Variants in MAP3K9 observed in about 807,000 individuals in gnomAD.
MAP3K9 encodes mixed lineage kinase 1 (tyr and ser/thr specificity).
Under a neutral mutation model 95.8 loss-of-function variants are expected in MAP3K9, and 46 were observed. That is an observed-to-expected ratio of 0.48 (90% CI 0.38 to 0.61). The LOEUF (loss-of-function observed/expected upper bound fraction) is 0.61. MAP3K9 is among the 20% of genes least tolerant of loss of function. The probability of loss-of-function intolerance (pLI) is 0.00; values close to 1 mark genes in which losing one functional copy is unlikely to be tolerated. For missense variants in MAP3K9, 1,296 were observed against 1,474.3 expected, an observed-to-expected ratio of 0.88 and a Z score of 1.98; for synonymous variants, 533 against 593.8, an observed-to-expected ratio of 0.90 and a Z score of 1.49.
chr14:70,808,763 T>C lies in MAP3K9; in HGVS notation c.406+3A>G. 6.6e-7 allele frequency: 1 copy of C among 1,518,984 alleles called. No individual in the cohort carries two copies. The allele number at this position is 1,518,984 out of a possible 1,614,324, so 94.1% of individuals were successfully genotyped here. On this transcript the variant is annotated splice_donor_region_variant and intron_variant, in intron 1 of 11. Coordinates refer to ENST00000554752, the MANE Select transcript of MAP3K9 (RefSeq NM_001284230.2). ...TCCCCGCCCGGCCCCGCCTTCGCCT[T>C]ACACTGAATGGGCGGGTAGCAACTG...
intron 2 of MAP3K9, among the ~76,000 whole-genome samples, chr14:70,786,931 C>T (rs1755240991): frequency 6.6e-6 from 1 of 151,890 alleles, no homozygotes; most frequent in South Asian, 2.1e-4. Flanking sequence ...TTAAGGCATC[C>T]TCCTTCCTCT....
At chr14:70,778,959 G>T (rs573422795) in intron 2 of MAP3K9, among the ~76,000 whole-genome samples, 1 of 152,264 alleles carries the variant, frequency 6.6e-6, no homozygotes, top group Admixed American at 6.5e-5. Flanking sequence ...CCTTAGAAGG[G>T]GCTCACAGAA....
At chr14:70,752,249 G>A (rs1204181253) in intron 3 of MAP3K9, among the ~76,000 whole-genome samples, 1 of 152,214 alleles carries the variant, frequency 6.6e-6, no homozygotes, top group African/African-American at 2.4e-5. Context: ...CATTTGGGCT[G>A]CCATGTATTG....
intron 5 of MAP3K9, among the ~76,000 whole-genome samples, chr14:70,743,127 T>C (rs1361673843): frequency 1.3e-5 from 2 of 151,934 alleles, no homozygotes; most frequent in African/African-American, 4.8e-5. Flanking sequence ...GCTGAGATTA[T>C]AGGCATGTGC....
At chr14:70,731,331 C>T (rs567665465) in intron 11 of MAP3K9, among the ~76,000 whole-genome samples, 86 of 152,184 alleles carry the variant, frequency 5.7e-4, no homozygotes, top group African/African-American at 2.0e-3. Context: ...TGCCTGTAGT[C>T]CCAGCTACTT....
intron 2 of MAP3K9, among the ~76,000 whole-genome samples, chr14:70,784,186 G>T (rs2054717998): frequency 6.6e-6 from 1 of 152,054 alleles, no homozygotes; most frequent in Non-Finnish European, 1.5e-5. Flanking sequence ...GAGAGGCTGA[G>T]GCAGGAGAAT....
At chr14:70,802,263 A>C (rs951555615) in intron 1 of MAP3K9, among the ~76,000 whole-genome samples, 2 of 152,148 alleles carry the variant, frequency 1.3e-5, no homozygotes, top group Non-Finnish European at 2.9e-5. Context: ...GGACCTGGAG[A>C]CTGAAACATG....
At chr14:70,788,660 G>A (rs139400878) in intron 2 of MAP3K9, among the ~76,000 whole-genome samples, 38 of 152,302 alleles carry the variant, frequency 2.5e-4, no homozygotes, top group Non-Finnish European at 4.0e-4. Flanking sequence ...TTTGGAGAAT[G>A]TCTATGCGGG....
intron 2 of MAP3K9, among the ~76,000 whole-genome samples, chr14:70,772,634 T>C (rs2054546554): frequency 6.6e-6 from 1 of 152,136 alleles, no homozygotes; most frequent in Non-Finnish European, 1.5e-5. Flanking sequence ...ACAGTAATGA[T>C]TTCCAACCTT....
chr14:70,789,221 G>C (rs970210015), intron 2 of MAP3K9, among the ~76,000 whole-genome samples: 1 of 152,188 alleles, frequency 6.6e-6, no homozygotes, highest in Non-Finnish European at 1.5e-5. Flanking sequence ...TGCACAGTTA[G>C]AAGGGGCTGG....
intron 2 of MAP3K9, among the ~76,000 whole-genome samples, chr14:70,762,329 CAGA>C (rs1208736284): frequency 2.6e-5 from 4 of 152,146 alleles, no homozygotes; most frequent in Non-Finnish European, 4.4e-5. Flanking sequence ...TTCTGCACAG[CAGA>C]AGAACCATTT....
chr14:70,730,313 G>C lies in MAP3K9; in HGVS notation c.*67C>G. The C allele has an allele frequency of 6.5e-7, 1 of 1,546,580 alleles. No homozygotes were observed. The highest frequency in any genetic ancestry group is 2.3e-5 in the East Asian group (1 of 44,110). On this transcript the variant is annotated 3_prime_UTR_variant, in exon 12 of 12. Transcript: ENST00000554752. ...CTCAGGGGGTCCAACCCTGAGAAAG[G>C]GCTGTGCCCGCCAGCTCCCCTCATC... is the stretch of plus-strand genomic sequence containing the variant.
chr14:70,740,306 CT>C, intron 6 of MAP3K9, 142 bp from the exon 7 acceptor site: 1 of 865,808 alleles, frequency 1.2e-6, no homozygotes. Flanking sequence ...GAAATGTTCT[CT>C]TTTAGAATCA....
chr14:70,744,736 G>A (rs1055460119), intron 5 of MAP3K9, among the ~76,000 whole-genome samples: 2 of 152,214 alleles, frequency 1.3e-5, no homozygotes, highest in African/African-American at 4.8e-5. Context: ...CACAGGAGAT[G>A]TCACCCCAGA....
At chr14:70,760,971 G>A in intron 3 of MAP3K9, 31 bp downstream of exon 3, 2 of 1,606,496 alleles carry the variant, frequency 1.2e-6, no homozygotes. Context: ...ATGGACCTAG[G>A]AAATGCTGTC....
At chr14:70,795,864 T>A (rs1439992815) in intron 2 of MAP3K9, among the ~76,000 whole-genome samples, 1 of 151,982 alleles carries the variant, frequency 6.6e-6, no homozygotes, top group African/African-American at 2.4e-5. Flanking sequence ...GTTCAAATGA[T>A]TCTGCCTCAG....
chr14:70,796,028 T>TA (rs1486097242), intron 2 of MAP3K9, among the ~76,000 whole-genome samples: 3 of 152,196 alleles, frequency 2.0e-5, no homozygotes, highest in Non-Finnish European at 2.9e-5. Context: ...GTGCTGGGAT[T>TA]ACAGGCGTGA....
intron 2 of MAP3K9, among the ~76,000 whole-genome samples, chr14:70,789,141 A>T (rs1045823947): frequency 3.3e-5 from 5 of 152,190 alleles, no homozygotes; most frequent in African/African-American, 1.2e-4. Flanking sequence ...TTTTCAGAGG[A>T]CCAAGCACTT....
chr14:70,776,650 A>T (rs2054603011), intron 2 of MAP3K9, among the ~76,000 whole-genome samples: 1 of 152,124 alleles, frequency 6.6e-6, no homozygotes. Context: ...TCACCCTCAA[A>T]ATAGGTATAT....
Sources: gnomAD v4.1 joint callset for allele counts (sites outside exome capture counted in the v4.1 genomes callset) on GRCh38, gnomAD v4.1.1 for gene constraint, MANE v1.5 for transcripts, NCBI Gene and HGNC (gene_info 2026-07-23, HGNC 2026-07-21) for gene names.